The following COP1 variants were observed in gnomAD, a reference collection of about 807,000 sequenced individuals.
The protein encoded by COP1 is E3 ubiquitin-protein ligase COP1.
A neutral mutation model predicts 101.3 loss-of-function variants in COP1; 24 were observed. The ratio of observed to expected loss-of-function variants is 0.24; its 90% CI spans 0.17 to 0.33. COP1 has a LOEUF of 0.33. Ranked by LOEUF, COP1 falls within the 10% of genes least tolerant of loss-of-function variation. The pLI, the probability that COP1 is intolerant of heterozygous loss-of-function variation, is 1.00. For missense variants in COP1, 663 were observed against 906.2 expected (o/e 0.73, Z 3.45); for synonymous variants, 347 against 341.9 (o/e 1.01, Z -0.17).
At chr1:176,132,595 C>G (rs1470788801) in intron 8 of COP1, among the ~76,000 whole-genome samples, 1 of 134,488 alleles carries the variant, frequency 7.4e-6, no homozygotes, top group Non-Finnish European at 1.6e-5. Context: ...CACACATATA[C>G]ACATATGTAC....
At chr1:176,127,635 T>C (rs1688241429) in intron 8 of COP1, among the ~76,000 whole-genome samples, 1 of 151,920 alleles carries the variant, frequency 6.6e-6, no homozygotes, top group South Asian at 2.1e-4. Context: ...ACATACAATA[T>C]ATGTTTTAAA....
In COP1 at chr1:175,988,432, G is replaced by A; in HGVS notation, c.1848-20C>T. On this transcript the variant is annotated intron_variant, in intron 16 of 19. Coordinates refer to ENST00000367669, the MANE Select transcript of COP1 (RefSeq NM_022457.7). ...GTTGAGCTGAGGAAAAGTACAAAGA[G>A]TAAGAACTTACTTAAAATTTCTTGG... 1.3e-6 allele frequency: 2 copies of A among 1,560,492 alleles called. No individual in the cohort carries two copies. The highest frequency in any genetic ancestry group is 1.2e-5 in the South Asian group (1 of 85,032).
chr1:176,008,290 A>G (rs1175038320), intron 15 of COP1, among the ~76,000 whole-genome samples: 1 of 152,178 alleles, frequency 6.6e-6, no homozygotes, highest in Non-Finnish European at 1.5e-5. Context: ...GGAAATGCAG[A>G]AATCACCCAT....
At chr1:176,167,117 A>C (rs1349330887) in intron 3 of COP1, among the ~76,000 whole-genome samples, 1 of 152,202 alleles carries the variant, frequency 6.6e-6, no homozygotes, top group African/African-American at 2.4e-5. Context: ...CAAGGTATAT[A>C]CACTGGACTC....
At chr1:176,105,377 T>C (rs1684135753) in intron 9 of COP1, among the ~76,000 whole-genome samples, 1 of 152,084 alleles carries the variant, frequency 6.6e-6, no homozygotes, top group South Asian at 2.1e-4. Context: ...ATTAAACAAA[T>C]CCAAATAACC....
chr1:175,988,195 T>C (rs1381627850), intron 17 of COP1, 93 bp downstream of exon 17: 1 of 1,235,216 alleles, frequency 8.1e-7, no homozygotes, highest in East Asian at 2.4e-5. Context: ...GCACAGACCA[T>C]TTCTTGACTT....
rs199730279 is a variant in COP1, at chr1:176,130,414, T to C, written c.968+4596A>G. 5.3e-5 allele frequency among the ~76,000 whole-genome samples: 8 copies of C among 151,864 alleles called. No individual in the cohort carries two copies. The East Asian group carries it at 1.5e-3, about 29-fold the overall frequency. ...CTATGCAACAATAAAATGTAAACTA[T>C]GGTTTATACTGAGAATTGTGAAGAC... On this transcript the variant is annotated intron_variant, in intron 8 of 19. Transcript: ENST00000367669.
intron 6 of COP1, among the ~76,000 whole-genome samples, chr1:176,138,422 T>C (rs1690136054): frequency 6.6e-6 from 1 of 152,224 alleles, no homozygotes; most frequent in African/African-American, 2.4e-5. Flanking sequence ...AAAGAGTGAT[T>C]AGCATTTTCA....
At chr1:176,044,595 A>T (rs1671190142) in intron 12 of COP1, among the ~76,000 whole-genome samples, 3 of 152,192 alleles carry the variant, frequency 2.0e-5, no homozygotes, top group African/African-American at 4.8e-5. Context: ...ACTTAATTAG[A>T]ATTTCTGGTA....
At chr1:176,034,212 G>A (rs989716969) in intron 14 of COP1, among the ~76,000 whole-genome samples, 1 of 152,116 alleles carries the variant, frequency 6.6e-6, no homozygotes, top group Admixed American at 6.5e-5. Flanking sequence ...CTTCTCCCTT[G>A]GCAAGCTAAA....
At chr1:176,035,053 T>C (rs1404837604) in intron 14 of COP1, among the ~76,000 whole-genome samples, 2 of 152,076 alleles carry the variant, frequency 1.3e-5, no homozygotes, top group Non-Finnish European at 2.9e-5. Context: ...TTATTCAACA[T>C]ACAAAAACCC....
intron 1 of COP1, among the ~76,000 whole-genome samples, chr1:176,195,649 C>G (rs947708012): frequency 6.6e-6 from 1 of 152,050 alleles, no homozygotes; most frequent in African/African-American, 2.4e-5. Context: ...TGTCACAAAT[C>G]AGACATAGAA....
At chr1:176,067,559 C>T (rs1450036431) in intron 11 of COP1, among the ~76,000 whole-genome samples, 3 of 152,082 alleles carry the variant, frequency 2.0e-5, no homozygotes, top group African/African-American at 7.2e-5. Context: ...GGCCACTGAG[C>T]GGCCCGACTC....
chr1:176,127,739 A>G (rs1329851625), intron 8 of COP1, among the ~76,000 whole-genome samples: 1 of 152,084 alleles, frequency 6.6e-6, no homozygotes, highest in African/African-American at 2.4e-5. Context: ...TAGTGATTTT[A>G]TTTCCTTTGA....
intron 11 of COP1, among the ~76,000 whole-genome samples, chr1:176,068,215 C>G (rs1428327721): frequency 1.3e-5 from 2 of 152,032 alleles, no homozygotes; most frequent in Non-Finnish European, 2.9e-5. Context: ...CCTTCCTTCC[C>G]CTTCCTTCTT....
At chr1:176,023,738 AAGAAAAG>A (rs1667196489) in intron 15 of COP1, among the ~76,000 whole-genome samples, 2 of 150,890 alleles carry the variant, frequency 1.3e-5, no homozygotes, top group African/African-American at 4.9e-5. Context: ...AAAAAAAAAA[AAGAAAAG>A]AAAAGAAAAG....
intron 15 of COP1, among the ~76,000 whole-genome samples, chr1:175,998,747 T>C (rs933016390): frequency 1.3e-5 from 2 of 152,104 alleles, no homozygotes; most frequent in African/African-American, 2.4e-5. Flanking sequence ...AAGGAACTCA[T>C]TTCTCTTCCC....
Position 176,077,173 on chromosome 1 carries a change from A to C in COP1, c.1277+3979T>G, listed in dbSNP as rs140735391. On this transcript the variant is annotated intron_variant, in intron 11 of 19. Coordinates refer to ENST00000367669, the MANE Select transcript of COP1 (RefSeq NM_022457.7). ...AAAATCTGGCAGAGACACAATGATA[A>C]AAGAAAACTTTGGGCAAATATCCCT... Among the ~76,000 whole-genome samples the C allele has an allele frequency of 9.6e-4, 146 of 152,274 alleles. 1 individual carries two copies. The highest frequency in any genetic ancestry group is 3.1e-3 in the African/African-American group (129 of 41,562).
intron 9 of COP1, among the ~76,000 whole-genome samples, chr1:176,102,722 G>A (rs551979022): frequency 1.3e-5 from 2 of 152,196 alleles, no homozygotes; most frequent in Non-Finnish European, 2.9e-5. Context: ...GCATGCAGCT[G>A]GAGGCCACAA....
Sources: allele counts gnomAD v4.1 joint callset (sites outside exome capture counted in the v4.1 genomes callset), GRCh38; gene constraint gnomAD v4.1.1; transcripts MANE v1.5; gene names NCBI Gene and HGNC (gene_info 2026-07-23, HGNC 2026-07-21).